Variants in TRDN observed in about 807,000 individuals in gnomAD.
The protein encoded by TRDN is triadin.
A neutral mutation model predicts 149.7 loss-of-function variants in TRDN; 161 were observed. The observed-to-expected ratio is 1.08, with a 90% CI of 0.95 to 1.23. The LOEUF is 1.23. Ranked by LOEUF, TRDN falls within the 50% of genes most tolerant of loss-of-function variation. The pLI, the probability that TRDN is intolerant of heterozygous loss-of-function variation, is 0.00. For missense variants in TRDN, 896 were observed against 823.5 expected (o/e 1.09, Z -1.08); for synonymous variants, 294 against 250.5 (o/e 1.17, Z -1.64).
chr6:123,592,468 T>C (rs1221316487), intron 1 of TRDN, among the ~76,000 whole-genome samples: 1 of 152,100 alleles, frequency 6.6e-6, no homozygotes, highest in East Asian at 1.9e-4. Context: ...AGGCAGGACG[T>C]CACTTTCCTT....
chr6:123,543,663 G>A (rs1198256225), intron 4 of TRDN, among the ~76,000 whole-genome samples: 1 of 152,014 alleles, frequency 6.6e-6, no homozygotes, highest in Non-Finnish European at 1.5e-5. Context: ...TTCATCATAA[G>A]TTGAAGGATT....
At chr6:123,502,929 A>ATCGTACC in intron 8 of TRDN, 3 of 985,356 alleles carry the variant, frequency 3.0e-6, no homozygotes, top group Non-Finnish European at 3.6e-6. Context: ...AACATTCAAT[A>ATCGTACC]AGGGCCAGAG....
chr6:123,612,911 T>A (rs996610680), intron 1 of TRDN, among the ~76,000 whole-genome samples: 1 of 152,188 alleles, frequency 6.6e-6, no homozygotes, highest in Admixed American at 6.6e-5. Flanking sequence ...AACACTTGTG[T>A]CTTATATGAA....
intron 9 of TRDN, among the ~76,000 whole-genome samples, chr6:123,488,237 A>G (rs1433223062): frequency 1.3e-5 from 2 of 152,154 alleles, no homozygotes; most frequent in East Asian, 3.8e-4. Context: ...CACTATATAG[A>G]TGTCACAGTT....
chr6:123,268,728 G>C (rs1562238778), intron 31 of TRDN, among the ~76,000 whole-genome samples: 1 of 151,968 alleles, frequency 6.6e-6, no homozygotes, highest in African/African-American at 2.4e-5. Context: ...TCGTACATTA[G>C]GAACTGATAG....
intron 10 of TRDN, among the ~76,000 whole-genome samples, chr6:123,440,402 A>G (rs1774811143): frequency 6.6e-6 from 1 of 152,224 alleles, no homozygotes; most frequent in Non-Finnish European, 1.5e-5. Context: ...CATATTAAAC[A>G]TGTAGATCAT....
At chr6:123,427,286 T>A (rs891049845) in intron 12 of TRDN, among the ~76,000 whole-genome samples, 1 of 151,806 alleles carries the variant, frequency 6.6e-6, no homozygotes, top group Non-Finnish European at 1.5e-5. Flanking sequence ...TTTTGTTTTT[T>A]TTTTTTAATA....
intron 4 of TRDN, among the ~76,000 whole-genome samples, chr6:123,531,735 G>A (rs1259234746): frequency 1.3e-5 from 2 of 151,972 alleles, no homozygotes; most frequent in Non-Finnish European, 2.9e-5. Context: ...AAATGACATA[G>A]GAAATGCCCA....
At chr6:123,515,655 G>T (rs1387207343) in intron 6 of TRDN, among the ~76,000 whole-genome samples, 1 of 151,990 alleles carries the variant, frequency 6.6e-6, no homozygotes, top group Admixed American at 6.6e-5. Flanking sequence ...GGTTTGGCAT[G>T]AAATGGGAGC....
chr6:123,269,619 ATTAATCATTAATTG>A (rs1038839261), intron 31 of TRDN, among the ~76,000 whole-genome samples: 2 of 151,954 alleles, frequency 1.3e-5, no homozygotes, highest in African/African-American at 4.8e-5. Flanking sequence ...ATCATTAATT[ATTAATCATTAATTG>A]GTAGATTGAT....
intron 21 of TRDN, among the ~76,000 whole-genome samples, chr6:123,348,719 G>A (rs1780346315): frequency 1.3e-5 from 2 of 152,160 alleles, no homozygotes; most frequent in Non-Finnish European, 2.9e-5. Flanking sequence ...CATAATAGCA[G>A]GAGTGAAGGT....
At chr6:123,437,416 G>A (rs1405986053) in intron 12 of TRDN, 2 of 293,284 alleles carry the variant, frequency 6.8e-6, no homozygotes, top group South Asian at 3.1e-5. Context: ...TTTGTAGGGG[G>A]ATGAGGAGAC....
intron 5 of TRDN, chr6:123,529,140 A>G: frequency 2.0e-6 from 3 of 1,525,244 alleles, no homozygotes; most frequent in East Asian, 4.9e-5. Context: ...CACTGTTATT[A>G]AATTAATAGC....
rs375133017 is a variant in TRDN, at chr6:123,564,750, TTAA to T, written c.232+6170_232+6172del. Among the ~76,000 whole-genome samples the T allele has an allele frequency of 6.6e-4, 101 of 152,324 alleles. No homozygotes were observed. In the East Asian group the frequency reaches 0.015, roughly 23 times the overall value. ...AATAAGATTCAAATTCAAGTTACAT[TTAA>T]TGAGTCCCTCCTATGTGCCAGGCAT... On this transcript the variant is annotated intron_variant, in intron 2 of 40. Coordinates refer to ENST00000334268, the MANE Select transcript of TRDN (RefSeq NM_006073.4).
intron 32 of TRDN, 40 bp downstream of exon 32, chr6:123,267,667 T>G: frequency 1.5e-6 from 2 of 1,342,504 alleles, no homozygotes; most frequent in Non-Finnish European, 2.0e-6. Context: ...ATAAAAATAG[T>G]GAACATAAGA....
intron 9 of TRDN, among the ~76,000 whole-genome samples, chr6:123,473,131 C>T (rs1325438060): frequency 5.3e-5 from 8 of 152,016 alleles, no homozygotes; most frequent in African/African-American, 7.2e-5. Context: ...AGGCTTCAGA[C>T]GATCAAATTA....
At chr6:123,229,290 G>A (rs2114517638) in intron 38 of TRDN, among the ~76,000 whole-genome samples, 1 of 151,938 alleles carries the variant, frequency 6.6e-6, no homozygotes, top group Non-Finnish European at 1.5e-5. Context: ...TGACACAAGG[G>A]TTCTTAAATA....
At chr6:123,517,345 A>G (rs1169156403) in intron 5 of TRDN, among the ~76,000 whole-genome samples, 5 of 152,096 alleles carry the variant, frequency 3.3e-5, no homozygotes, top group Non-Finnish European at 5.9e-5. Context: ...GCATATTATT[A>G]TACCTATCAT....
At chr6:123,275,990 G>A (rs1396744587) in intron 26 of TRDN, among the ~76,000 whole-genome samples, 43 of 152,080 alleles carry the variant, frequency 2.8e-4, no homozygotes, top group Admixed American at 2.8e-3. Context: ...TTGTTACTGT[G>A]TCCTTCAGAG....
Sources: allele counts gnomAD v4.1 joint callset (sites outside exome capture counted in the v4.1 genomes callset), GRCh38; gene constraint gnomAD v4.1.1; transcripts MANE v1.5; gene names NCBI Gene and HGNC (gene_info 2026-07-23, HGNC 2026-07-21).